Variants in PCCB observed in about 807,000 individuals in gnomAD.
PCCB encodes propionyl-CoA carboxylase beta chain, mitochondrial.
Under a neutral mutation model 60.7 loss-of-function variants are expected in PCCB, and 43 were observed. The ratio of observed to expected loss-of-function variants is 0.71; its 90% confidence interval spans 0.55 to 0.91. The LOEUF is 0.91. Among genes scored for constraint, PCCB ranks in the 40% least tolerant of loss-of-function variants. The pLI, the probability that PCCB is intolerant of heterozygous loss-of-function variation, is 0.00. For missense variants in PCCB, 766 were observed against 702.8 expected (o/e 1.09, Z -1.02); for synonymous variants, 276 against 255.9 (o/e 1.08, Z -0.75).
chr3:136,284,662 C>T (rs1435706359), intron 6 of PCCB, among the ~76,000 whole-genome samples: 2 of 152,132 alleles, frequency 1.3e-5, no homozygotes, highest in African/African-American at 4.8e-5. Context: ...ACCCTTTGTT[C>T]TCAAGGGAAG....
At chr3:136,323,889 T>A (rs1935200266) in intron 10 of PCCB, among the ~76,000 whole-genome samples, 1 of 151,992 alleles carries the variant, frequency 6.6e-6, no homozygotes, top group African/African-American at 2.4e-5. Flanking sequence ...TAGGGATAGT[T>A]TCTTCATTTT....
At chr3:136,253,747 T>G (rs991250471) in intron 1 of PCCB, among the ~76,000 whole-genome samples, 15 of 150,728 alleles carry the variant, frequency 1.0e-4, no homozygotes, top group African/African-American at 2.7e-4. Flanking sequence ...CATGGCTTAG[T>G]GCATCCTCGA....
chr3:136,262,005 T>TG lies in PCCB; in HGVS notation c.488dup (p.Ala164SerfsTer66), dbSNP rs1553774884. 1 of 1,562,544 alleles carries TG rather than the reference T, an allele frequency of 6.4e-7. No homozygotes were observed. Among genetic ancestry groups the TG allele is most frequent in the Non-Finnish European group, 8.7e-7 (1 of 1,152,178 alleles). On this transcript the variant is annotated frameshift_variant, in exon 5 of 15. Transcript: ENST00000251654. LOFTEE classifies it high-confidence loss of function. The stretch of plus-strand genomic sequence containing the variant: ...CTCCAGTGATTGGGCTGAATGACTC[T>TG]GGGGGAGCACGGATCCAAGAAGGAG...
Position 136,298,086 on chromosome 3 carries a change from C to A in PCCB, c.884+14C>A. 6.2e-7 allele frequency: 1 copy of A among 1,614,006 alleles called. No homozygotes were observed. Among genetic ancestry groups the A allele is most frequent in the Non-Finnish European group, 8.5e-7 (1 of 1,179,938 alleles). ...CCACGATCCCAGGTGGGTTGTAGGC[C>A]GGTGCACCTTCTCTCATTTTGCAGT... On this transcript the variant is annotated intron_variant, in intron 8 of 14. Transcript: ENST00000251654.
chr3:136,285,467 TC>T (rs1309045315), intron 6 of PCCB, among the ~76,000 whole-genome samples: 1 of 152,130 alleles, frequency 6.6e-6, no homozygotes, highest in Non-Finnish European at 1.5e-5. Context: ...GTTGGCATAC[TC>T]CTGTAGCTCT....
At chr3:136,288,234 C>T (rs527897194) in intron 6 of PCCB, among the ~76,000 whole-genome samples, 3 of 152,058 alleles carry the variant, frequency 2.0e-5, no homozygotes, top group South Asian at 2.1e-4. Context: ...GAGAAGAAAG[C>T]GTATTTTGTT....
chr3:136,258,883 C>T (rs1941748338), intron 3 of PCCB, among the ~76,000 whole-genome samples: 2 of 151,866 alleles, frequency 1.3e-5, no homozygotes, highest in Non-Finnish European at 2.9e-5. Context: ...GTTGTCTTCT[C>T]CTTGATTACC....
chr3:136,269,682 G>C (rs1268432222), intron 5 of PCCB, among the ~76,000 whole-genome samples: 1 of 151,954 alleles, frequency 6.6e-6, no homozygotes, highest in Admixed American at 6.6e-5. Context: ...TCAGGAGATA[G>C]AGACCATCCT....
intron 9 of PCCB, among the ~76,000 whole-genome samples, chr3:136,314,113 C>T (rs1934782680): frequency 6.6e-6 from 1 of 151,866 alleles, no homozygotes; most frequent in South Asian, 2.1e-4. Context: ...AGGAAAGAAA[C>T]CAAGATGAAC....
intron 3 of PCCB, among the ~76,000 whole-genome samples, chr3:136,259,545 TTA>T (rs1189354815): frequency 6.6e-6 from 1 of 152,206 alleles, no homozygotes; most frequent in African/African-American, 2.4e-5. Flanking sequence ...GAATCTGATA[TTA>T]GAGTTAATTC....
At chr3:136,327,113 G>C (rs374155049) in intron 11 of PCCB, 42 bp from the exon 12 acceptor site, 422 of 1,556,574 alleles carry the variant, frequency 2.7e-4, no homozygotes, top group Non-Finnish European at 3.6e-4. Flanking sequence ...GGATAACCAT[G>C]TGAGGACTTG....
chr3:136,269,670 G>A (rs938779256), intron 5 of PCCB, among the ~76,000 whole-genome samples: 3 of 152,130 alleles, frequency 2.0e-5, no homozygotes, highest in African/African-American at 4.8e-5. Context: ...CATATCACGA[G>A]GTCAGGAGAT....
At chr3:136,253,052 G>A (rs1941561468) in intron 1 of PCCB, among the ~76,000 whole-genome samples, 1 of 141,954 alleles carries the variant, frequency 7.0e-6, no homozygotes, top group Non-Finnish European at 1.5e-5. Flanking sequence ...TTTGCCTCGG[G>A]TTGAGAGCTT....
intron 5 of PCCB, among the ~76,000 whole-genome samples, chr3:136,264,647 G>T (rs1941929989): frequency 1.3e-5 from 2 of 151,646 alleles, no homozygotes; most frequent in Non-Finnish European, 2.9e-5. Flanking sequence ...GCCGAGGCAG[G>T]TGGATCACGA....
intron 8 of PCCB, among the ~76,000 whole-genome samples, chr3:136,298,373 C>G (rs1431705203): frequency 6.6e-6 from 1 of 151,990 alleles, no homozygotes; most frequent in East Asian, 1.9e-4. Flanking sequence ...ATTAGAGATT[C>G]AAGTTTTTTT....
intron 9 of PCCB, among the ~76,000 whole-genome samples, chr3:136,313,256 C>T (rs1934740310): frequency 6.6e-6 from 1 of 152,140 alleles, no homozygotes; most frequent in Non-Finnish European, 1.5e-5. Flanking sequence ...TATAGATGTA[C>T]GAGGTTACGA....
intron 1 of PCCB, among the ~76,000 whole-genome samples, chr3:136,251,542 A>G (rs1442320108): frequency 6.6e-6 from 1 of 152,200 alleles, no homozygotes; most frequent in African/African-American, 2.4e-5. Context: ...CGCATTTGAC[A>G]AGGGTCCAAA....
At chr3:136,313,519 A>G (rs1198562735) in intron 9 of PCCB, among the ~76,000 whole-genome samples, 1 of 152,220 alleles carries the variant, frequency 6.6e-6, no homozygotes, top group African/African-American at 2.4e-5. Flanking sequence ...GTAAATTAAA[A>G]GATACAAATG....
At chr3:136,292,945 A>G (rs1474987619) in intron 6 of PCCB, among the ~76,000 whole-genome samples, 1 of 152,154 alleles carries the variant, frequency 6.6e-6, no homozygotes, top group African/African-American at 2.4e-5. Context: ...TACTTATATT[A>G]TCTATATATT....
Sources: allele counts gnomAD v4.1 joint callset (sites outside exome capture counted in the v4.1 genomes callset), GRCh38; gene constraint gnomAD v4.1.1; transcripts MANE v1.5; gene names NCBI Gene and HGNC (gene_info 2026-07-23, HGNC 2026-07-21).